SMAD3: variants seen among roughly 807,000 people sequenced by gnomAD.
SMAD3 encodes SMAD family member 3, also known as MAD homolog 3.
A neutral mutation model predicts 51.8 loss-of-function variants in SMAD3; 12 were observed. That is an observed-to-expected ratio of 0.23 (90% confidence interval 0.15 to 0.38). The LOEUF is 0.38. SMAD3 is among the 10% of genes least tolerant of loss of function. The probability of loss-of-function intolerance (pLI) is 1.00; values close to 1 mark genes in which losing one functional copy is unlikely to be tolerated. For missense variants in SMAD3, 294 were observed against 565.6 expected, an observed-to-expected ratio of 0.52 and a Z score of 4.87; for synonymous variants, 238 against 227.7, an observed-to-expected ratio of 1.05 and a Z score of -0.41.
chr15:67,077,712 G>A (rs78981175), intron 1 of SMAD3, among the ~76,000 whole-genome samples: 1,876 of 152,300 alleles, frequency 0.012, 25 homozygotes, highest in South Asian at 0.055. Context: ...GGGCCTTGAA[G>A]GATGGATAGG....
At chr15:67,180,026 G>A (rs1963009801) in intron 5 of SMAD3, among the ~76,000 whole-genome samples, 2 of 152,220 alleles carry the variant, frequency 1.3e-5, no homozygotes, top group Non-Finnish European at 2.9e-5. Flanking sequence ...GCAGGCTGAA[G>A]CTTTGAGATG....
intron 1 of SMAD3, among the ~76,000 whole-genome samples, chr15:67,102,219 A>G (rs1419135468): frequency 6.8e-6 from 1 of 147,950 alleles, no homozygotes; most frequent in East Asian, 2.0e-4. Flanking sequence ...CATGTTATTC[A>G]GATCAGTCTT....
intron 1 of SMAD3, among the ~76,000 whole-genome samples, chr15:67,151,409 T>C (rs938403635): frequency 6.6e-6 from 1 of 152,172 alleles, no homozygotes; most frequent in African/African-American, 2.4e-5. Context: ...CTCGGCTCAC[T>C]GCAACCTCCA....
Position 67,176,129 on chromosome 15 carries a change from C to G in SMAD3, c.659-5112C>G, listed in dbSNP as rs569235886. Among the ~76,000 whole-genome samples, 480 of 152,240 alleles carry G rather than the reference C, an allele frequency of 3.2e-3. 3 individuals are homozygous for G. The highest frequency in any genetic ancestry group is 0.011 in the African/African-American group (438 of 41,542). ...CAGATACATAGGTTGGAATTAGTAC[C>G]CTGGGTGCTGGGACACAGCTGGCGT... On this transcript the variant is annotated intron_variant, in intron 5 of 8. Coordinates refer to ENST00000327367, the MANE Select transcript of SMAD3 (RefSeq NM_005902.4).
intron 1 of SMAD3, among the ~76,000 whole-genome samples, chr15:67,156,596 T>A (rs1962289614): frequency 6.6e-6 from 1 of 152,224 alleles, no homozygotes; most frequent in African/African-American, 2.4e-5. Context: ...TGCAAGTTAA[T>A]TGGGAAAACT....
intron 5 of SMAD3, among the ~76,000 whole-genome samples, chr15:67,177,643 G>A (rs1015026063): frequency 6.6e-5 from 10 of 151,928 alleles, no homozygotes; most frequent in East Asian, 3.9e-4. Context: ...GGCTGGTCTC[G>A]AAATCCTGAC....
rs1963178655 is a variant in SMAD3, at chr15:67,184,812, CTG to C, written c.959_960del (p.Cys320Ter). Reference protein sequence around the residue: ...DSAIFVQSPNCNQRYGWHPAT... With the variant: ...DSAIFVQSPNXNQRYGWHPAT... ...GCGCTATTTTTGTCCAGTCTCCCAA[CTG>C]TAACCAGCGCTATGGCTGGCACCCG... On this transcript the variant is annotated frameshift_variant, in exon 7 of 9. Transcript: ENST00000327367. LOFTEE classifies it high-confidence loss of function. 1 of 1,613,654 alleles carries C rather than the reference CTG, an allele frequency of 6.2e-7. No homozygotes were observed. Among genetic ancestry groups the C allele is most frequent in the African/African-American group, 1.3e-5 (1 of 74,934 alleles).
chr15:67,170,695 C>A, intron 5 of SMAD3, 91 bp downstream of exon 5: 1 of 1,133,336 alleles, frequency 8.8e-7, no homozygotes, highest in Non-Finnish European at 1.3e-6. Context: ...GAAGGTAAGG[C>A]TCTCCCCCGA....
chr15:67,110,651 C>T (rs571565607), intron 1 of SMAD3, among the ~76,000 whole-genome samples: 9 of 152,210 alleles, frequency 5.9e-5, no homozygotes, highest in Admixed American at 2.0e-4. Context: ...GTGTGGGCTA[C>T]CCTGGTTGCA....
chr15:67,081,001 A>G (rs1472175687), intron 1 of SMAD3, among the ~76,000 whole-genome samples: 1 of 152,220 alleles, frequency 6.6e-6, no homozygotes. Context: ...GGTGAGCTCC[A>G]AGGAGAGCAG....
At chr15:67,120,712 T>G (rs1961239074) in intron 1 of SMAD3, among the ~76,000 whole-genome samples, 1 of 152,164 alleles carries the variant, frequency 6.6e-6, no homozygotes, top group African/African-American at 2.4e-5. Flanking sequence ...TTTTTCAAGC[T>G]TCATGGCTGC....
chr15:67,066,486 CGTGT>C (rs1039681868), intron 1 of SMAD3, 126 bp downstream of exon 1: 120 of 781,650 alleles, frequency 1.5e-4, no homozygotes, highest in Middle Eastern at 7.2e-4. Context: ...TGTGTGGGTG[CGTGT>C]GTGTGAGAGT....
intron 1 of SMAD3, among the ~76,000 whole-genome samples, chr15:67,133,711 C>T (rs67614233): frequency 0.27 from 41,706 of 151,978 alleles, 6,402 homozygotes; most frequent in Middle Eastern, 0.37. Flanking sequence ...CACTCAAGGC[C>T]GTGGTTTGGG....
chr15:67,106,082 T>G (rs1960871334), intron 1 of SMAD3, among the ~76,000 whole-genome samples: 1 of 152,096 alleles, frequency 6.6e-6, no homozygotes, highest in Non-Finnish European at 1.5e-5. Context: ...ATGCCCCATT[T>G]CCACTGCTGC....
At chr15:67,188,615 C>T (rs968885120) in intron 8 of SMAD3, among the ~76,000 whole-genome samples, 7 of 152,264 alleles carry the variant, frequency 4.6e-5, no homozygotes, top group African/African-American at 1.4e-4. Flanking sequence ...CCACACTCCC[C>T]CCTGCCAGCC....
rs1156797192 is a variant in SMAD3 at position 67,179,792 on chromosome 15, G to A, written c.659-1449G>A. 2.0e-5 allele frequency among the ~76,000 whole-genome samples: 3 copies of A among 152,200 alleles called. No homozygotes were observed. The East Asian group carries it at 5.8e-4, about 30-fold the overall frequency. ...ACGTTGCCTGGCATCCAGTGAGCAG[G>A]GTTCTCAGGCCAGGGCTGAGACGTG... On this transcript the variant is annotated intron_variant, in intron 5 of 8. Transcript: ENST00000327367.
At chr15:67,096,693 G>A (rs1307513447) in intron 1 of SMAD3, among the ~76,000 whole-genome samples, 4 of 149,760 alleles carry the variant, frequency 2.7e-5, no homozygotes, top group Non-Finnish European at 5.9e-5. Context: ...ATTTTGCACT[G>A]GGCCCCACAA....
intron 1 of SMAD3, among the ~76,000 whole-genome samples, chr15:67,127,227 G>A (rs1595915486): frequency 6.6e-6 from 1 of 152,198 alleles, no homozygotes; most frequent in Non-Finnish European, 1.5e-5. Context: ...TATTTACCCT[G>A]TCTGAGGTCG....
At chr15:67,073,787 G>A (rs904450077) in intron 1 of SMAD3, among the ~76,000 whole-genome samples, 8 of 152,182 alleles carry the variant, frequency 5.3e-5, no homozygotes, top group African/African-American at 1.9e-4. Flanking sequence ...TGATTGTCCT[G>A]CCTCAGCCTT....
Sources: allele counts gnomAD v4.1 joint callset (sites outside exome capture counted in the v4.1 genomes callset), GRCh38; gene constraint gnomAD v4.1.1; transcripts MANE v1.5; gene names NCBI Gene and HGNC (gene_info 2026-07-23, HGNC 2026-07-21).